The following PHF12 variants were observed in gnomAD, a reference collection of about 807,000 sequenced individuals.
The protein encoded by PHF12 is PHD finger protein 12, also known as PHD factor 1.
A neutral mutation model predicts 99.8 loss-of-function variants in PHF12; 6 were observed. That is an observed-to-expected ratio of 0.06 (90% CI 0.03 to 0.12). The LOEUF is 0.12. Ranked by LOEUF, PHF12 falls within the 10% of genes least tolerant of loss-of-function variation. The probability of loss-of-function intolerance (pLI) is 1.00; values close to 1 mark genes in which losing one functional copy is unlikely to be tolerated. For missense variants in PHF12, 954 were observed against 1,300.1 expected, an observed-to-expected ratio of 0.73 and a Z score of 4.09; for synonymous variants, 480 against 514.9, an observed-to-expected ratio of 0.93 and a Z score of 0.92.
chr17:28,908,823 T>G lies in PHF12; in HGVS notation c.2418A>C (p.Gly806=). 2 of 1,613,792 alleles carry G rather than the reference T, an allele frequency of 1.2e-6. No individual in the cohort carries two copies. Among genetic ancestry groups the G allele is most frequent in the Non-Finnish European group, 1.7e-6 (2 of 1,179,944 alleles). The change falls in exon 12 of 15, where the codon GGA becomes GGC. Residue 806 remains glycine (G), a synonymous_variant. Coordinates refer to ENST00000332830, the MANE Select transcript of PHF12 (RefSeq NM_001033561.2). ...AVFYPLLGLG[G]AVNMCYRTLY... ...GGGTTCGATAGCACATGTTCACAGC[T>G]CCTCCCAACCCTAAGAGGGGGTAGA... is the stretch of plus-strand genomic sequence containing the variant.
At chr17:28,935,050 G>T (rs2040483843) in intron 2 of PHF12, among the ~76,000 whole-genome samples, 1 of 152,130 alleles carries the variant, frequency 6.6e-6, no homozygotes. Context: ...TTATTTTCTG[G>T]CTTCAAAAGA....
At chr17:28,933,041 A>C (rs571754610) in intron 2 of PHF12, among the ~76,000 whole-genome samples, 1 of 152,302 alleles carries the variant, frequency 6.6e-6, no homozygotes, top group South Asian at 2.1e-4. Flanking sequence ...AGAGTCTTTA[A>C]ATCATGATAT....
rs747691722 is a variant in PHF12, at chr17:28,924,394, T to G, written c.322-92A>C. On this transcript the variant is annotated intron_variant, in intron 3 of 14. Coordinates refer to ENST00000332830, the MANE Select transcript of PHF12 (RefSeq NM_001033561.2). ...GTCCTGGTAGACCACTAATCAAAAC[T>G]GTAAAAGGCCTTCACATATCACAGA... 2.8e-5 allele frequency: 44 copies of G among 1,563,736 alleles called. No individual in the cohort carries two copies. In the African/African-American group the frequency reaches 5.1e-4, roughly 18 times the overall value.
chr17:28,922,897 T>C (rs915693762), intron 4 of PHF12, among the ~76,000 whole-genome samples: 4 of 151,988 alleles, frequency 2.6e-5, no homozygotes, highest in African/African-American at 9.7e-5. Context: ...CCTGGCAACA[T>C]AGTGAGACCC....
Position 28,950,928 on chromosome 17 carries a change from C to T in PHF12, c.33G>A (p.Val11=), listed in dbSNP as rs944264035. 6.2e-6 allele frequency: 10 copies of T among 1,614,018 alleles called. No homozygotes were observed. Among genetic ancestry groups the T allele is most frequent in the South Asian group, 3.3e-5 (3 of 91,072 alleles). Residue 11 remains valine, a synonymous_variant, in exon 1 of 15, where the codon GTG becomes GTA. Coordinates refer to ENST00000332830, the MANE Select transcript of PHF12 (RefSeq NM_001033561.2). The surrounding 1 kb of genome is among the most constrained non-coding windows in gnomAD (Gnocchi z 5.7). The part of the protein sequence containing the change: MWEKMETKTI[V]YDLDTSGGLM... Reference sequence around the variant, plus strand: ...GCCCCCCTGATGTGTCCAAGTCGTACACGATCGTCTTGGTCTCCATTTTCT... The same window carrying T: ...GCCCCCCTGATGTGTCCAAGTCGTATACGATCGTCTTGGTCTCCATTTTCT...
rs1438442998 is a variant in PHF12, at chr17:28,905,354, G to C, written c.*829C>G. 2.0e-5 allele frequency: 3 copies of C among 152,760 alleles called. No individual in the cohort carries two copies. 9.5% of individuals were successfully genotyped at this position (152,760 alleles called of 1,614,324 possible). ...TTGGTACTGGTTGTGGGGGTGGGAG[G>C]AGAGGAGGGAACCAGGGGCAGGAGG... is the stretch of plus-strand genomic sequence containing the variant. On this transcript the variant is annotated 3_prime_UTR_variant, in exon 15 of 15. Transcript: ENST00000332830.
chr17:28,918,618 G>C (rs2040102649), intron 6 of PHF12, among the ~76,000 whole-genome samples: 1 of 152,212 alleles, frequency 6.6e-6, no homozygotes, highest in Admixed American at 6.5e-5. Flanking sequence ...AATCTTGTGA[G>C]TGACTGTTCT....
chr17:28,947,624 C>T (rs1211143231), intron 2 of PHF12, among the ~76,000 whole-genome samples: 3 of 152,106 alleles, frequency 2.0e-5, no homozygotes, highest in Non-Finnish European at 4.4e-5. Flanking sequence ...AAAAACTTCA[C>T]TCTTGGTGGA....
intron 2 of PHF12, among the ~76,000 whole-genome samples, chr17:28,932,257 G>A (rs954177319): frequency 3.3e-5 from 5 of 151,948 alleles, no homozygotes; most frequent in African/African-American, 7.3e-5. Context: ...TCAGCCTCCC[G>A]AGTAGCTGGG....
intron 2 of PHF12, among the ~76,000 whole-genome samples, chr17:28,940,278 G>A (rs1250971857): frequency 6.6e-6 from 1 of 152,188 alleles, no homozygotes; most frequent in Non-Finnish European, 1.5e-5. Context: ...ATACCACTAG[G>A]AATTACACGG....
At chr17:28,926,914 C>A (rs776247955) in intron 3 of PHF12, 77 bp downstream of exon 3, 3 of 1,606,998 alleles carry the variant, frequency 1.9e-6, no homozygotes, top group East Asian at 2.2e-5. Context: ...GCCTTCAGGG[C>A]TAGGCCGTCT....
Position 28,950,857 on chromosome 17 carries a change from C to T in PHF12, c.66+38G>A, listed in dbSNP as rs200761045. 82 of 1,608,992 alleles carry T rather than the reference C, an allele frequency of 5.1e-5. No homozygotes were observed. The East Asian group carries it at 1.8e-3, about 34-fold the overall frequency. The stretch of plus-strand genomic sequence containing the variant: ...GGGGCGGAGGGCGGAGGTTCCCTCC[C>T]GGCGCTGGAGGAAGGAGATGAGGAG... On this transcript the variant is annotated intron_variant, in intron 1 of 14. Coordinates refer to ENST00000332830, the MANE Select transcript of PHF12 (RefSeq NM_001033561.2). The surrounding 1 kb of genome is among the most constrained non-coding windows in gnomAD (Gnocchi z 5.7).
chr17:28,906,077 G>A lies in PHF12; in HGVS notation c.*106C>T. The A allele has an allele frequency of 9.4e-7, 1 of 1,063,076 alleles. No individual in the cohort carries two copies. The highest frequency in any genetic ancestry group is 1.3e-6 in the Non-Finnish European group (1 of 763,292). The allele number at this position is 1,063,076 out of a possible 1,614,324, so 65.9% of individuals were successfully genotyped here. ...TTTCATGCAAAGATTGTAGTTGAAG[G>A]GTTTCTGGTAGAGTATAGAAAACAC... On this transcript the variant is annotated 3_prime_UTR_variant, in exon 15 of 15. Transcript: ENST00000332830. This position sits in a 1 kb window ranked among gnomAD's most constrained non-coding sequence, Gnocchi z 4.2.
chr17:28,906,681 T>C lies in PHF12; in HGVS notation c.2681-164A>G, dbSNP rs1001498394. 2 of 1,192,522 alleles carry C rather than the reference T, an allele frequency of 1.7e-6. No individual in the cohort carries two copies. The highest frequency in any genetic ancestry group is 2.7e-5 in the Admixed American group (1 of 36,674). The allele number at this position is 1,192,522 out of a possible 1,614,324, so 73.9% of individuals were successfully genotyped here. A position where few individuals can be genotyped will look rare whatever the true frequency, so the allele number is the denominator to read the frequency against. ...GTGGAGTCTGAAGTCCCCACAGGTG[T>C]GTACACACATGGGGGTACTCAGCAC... On this transcript the variant is annotated intron_variant, in intron 14 of 14. Coordinates refer to ENST00000332830, the MANE Select transcript of PHF12 (RefSeq NM_001033561.2). This position sits in a 1 kb window ranked among gnomAD's most constrained non-coding sequence, Gnocchi z 4.2.
chr17:28,912,362 A>G (rs2039974933), intron 9 of PHF12, 120 bp downstream of exon 9: 1 of 1,431,436 alleles, frequency 7.0e-7, no homozygotes, highest in Non-Finnish European at 9.2e-7. Flanking sequence ...GAGTAAGACA[A>G]ACAATACAAA....
chr17:28,927,171 A>T, intron 2 of PHF12, 108 bp from the exon 3 acceptor site: 4 of 961,668 alleles, frequency 4.2e-6, no homozygotes, highest in Non-Finnish European at 6.3e-6. Context: ...CCAGTCCTGC[A>T]GGACTGCTAG....
chr17:28,950,874 G>T lies in PHF12; in HGVS notation c.66+21C>A. The stretch of plus-strand genomic sequence containing the variant: ...TTCCCTCCCGGCGCTGGAGGAAGGA[G>T]ATGAGGAGGGCCACTCTTACCTCCA... On this transcript the variant is annotated intron_variant, in intron 1 of 14. Coordinates refer to ENST00000332830, the MANE Select transcript of PHF12 (RefSeq NM_001033561.2). This position sits in a 1 kb window ranked among gnomAD's most constrained non-coding sequence, Gnocchi z 5.7. 4 of 1,612,400 alleles carry T rather than the reference G, an allele frequency of 2.5e-6. No individual in the cohort carries two copies. Among genetic ancestry groups the T allele is most frequent in the Non-Finnish European group, 3.4e-6 (4 of 1,179,090 alleles).
At chr17:28,907,741 G>A (rs1258716062) in intron 12 of PHF12, 69 bp from the exon 13 acceptor site, 17 of 1,464,418 alleles carry the variant, frequency 1.2e-5, no homozygotes, top group Non-Finnish European at 1.6e-5. Flanking sequence ...TGTCGGGGAG[G>A]TAAGACAGGG....
At chr17:28,911,419 G>A (rs1303596590) in intron 9 of PHF12, 182 bp from the exon 10 acceptor site, 10 of 753,946 alleles carry the variant, frequency 1.3e-5, no homozygotes, top group East Asian at 2.8e-5. Flanking sequence ...CAGATGGAAC[G>A]ACAAAGCACC....
Sources: allele counts gnomAD v4.1 joint callset (sites outside exome capture counted in the v4.1 genomes callset), GRCh38; gene constraint gnomAD v4.1.1; non-coding constraint Gnocchi (gnomAD v3.1); transcripts MANE v1.5; gene names NCBI Gene and HGNC (gene_info 2026-07-23, HGNC 2026-07-21).